The following PTPRU variants were observed in gnomAD, a reference collection of about 807,000 sequenced individuals.
The protein encoded by PTPRU is protein tyrosine phosphatase receptor type U, also known as receptor-type tyrosine-protein phosphatase U.
In PTPRU, 69 loss-of-function variants were observed where a neutral mutation model predicts 166.3. That is an observed-to-expected ratio of 0.41 (90% CI 0.34 to 0.51). PTPRU has a LOEUF of 0.51. Among genes scored for constraint, PTPRU ranks in the 20% least tolerant of loss-of-function variants. The pLI is 0.09. For missense variants in PTPRU, 1,657 were observed against 2,013.7 expected (o/e 0.82, Z 3.39); for synonymous variants, 793 against 814.0 (o/e 0.97, Z 0.44).
rs1324101362 is a variant in PTPRU, at chr1:29,315,113, G to A, written c.3228-259G>A. ...AATCTTAAGTTGCTAGGTTGAGCCAGTGTCACCTTTGCATTCTCCCCACCC... is the reference window on the plus strand; with the variant it reads ...AATCTTAAGTTGCTAGGTTGAGCCAATGTCACCTTTGCATTCTCCCCACCC... On this transcript the variant is annotated intron_variant, in intron 22 of 29. Coordinates refer to ENST00000373779, the MANE Select transcript of PTPRU (RefSeq NM_133178.4). The surrounding 1 kb of genome is among the most constrained non-coding windows in gnomAD (Gnocchi z 4.5). Among the ~76,000 whole-genome samples, 1 of 152,154 alleles carries A rather than the reference G, an allele frequency of 6.6e-6. No homozygotes were observed. Among genetic ancestry groups the A allele is most frequent in the South Asian group, 2.1e-4 (1 of 4,830 alleles).
At chr1:29,295,980 C>T (rs1024681942) in intron 15 of PTPRU, among the ~76,000 whole-genome samples, 14 of 152,172 alleles carry the variant, frequency 9.2e-5, no homozygotes, top group Admixed American at 2.0e-4. Context: ...CATGAGCCAC[C>T]GTGCCTAGCC....
intron 8 of PTPRU, among the ~76,000 whole-genome samples, chr1:29,276,372 G>T (rs1685805807): frequency 6.6e-6 from 1 of 152,202 alleles, no homozygotes; most frequent in Non-Finnish European, 1.5e-5. Flanking sequence ...TGGGAGTGCA[G>T]TGTCATGATT....
chr1:29,248,829 A>T (rs961818309), intron 1 of PTPRU, among the ~76,000 whole-genome samples: 6 of 152,000 alleles, frequency 3.9e-5, no homozygotes, highest in Admixed American at 1.3e-4. Context: ...TTGTAAATGC[A>T]CGTCTATACA....
chr1:29,280,269 T>G lies in PTPRU; in HGVS notation c.1868+128T>G. The stretch of plus-strand genomic sequence containing the variant: ...TCAGTCTCCCACGCAGGGCTTGGAG[T>G]GTCTGGAGGAGATTGTTCTGTGATG... On this transcript the variant is annotated intron_variant, in intron 11 of 29. Coordinates refer to ENST00000373779, the MANE Select transcript of PTPRU (RefSeq NM_133178.4). The surrounding 1 kb of genome is among the most constrained non-coding windows in gnomAD (Gnocchi z 4.2). The G allele has an allele frequency of 2.2e-6, 2 of 895,844 alleles. No homozygotes were observed. Among genetic ancestry groups the G allele is most frequent in the Non-Finnish European group, 1.7e-6 (1 of 595,646 alleles). The allele number at this position is 895,844 out of a possible 1,614,324, so 55.5% of individuals were successfully genotyped here.
rs768612052 is a variant in PTPRU at position 29,279,694 on chromosome 1, G to A, written c.1765+37G>A. The A allele has an allele frequency of 6.3e-7, 1 of 1,597,786 alleles. No homozygotes were observed. Among genetic ancestry groups the A allele is most frequent in the Non-Finnish European group, 8.5e-7 (1 of 1,172,338 alleles). ...CTGACCCGGCCCAGCCTCTTCGGAGGTGGCCCAGAATCCCAGGGTTCCATG... is the reference window on the plus strand; with the variant it reads ...CTGACCCGGCCCAGCCTCTTCGGAGATGGCCCAGAATCCCAGGGTTCCATG... On this transcript the variant is annotated intron_variant, in intron 10 of 29. Transcript: ENST00000373779. This position sits in a 1 kb window ranked among gnomAD's most constrained non-coding sequence, Gnocchi z 5.2.
chr1:29,324,289 G>A (rs757383041), intron 28 of PTPRU, among the ~76,000 whole-genome samples: 44 of 152,266 alleles, frequency 2.9e-4, no homozygotes, highest in Non-Finnish European at 5.9e-4. Context: ...TGAGCCTTTC[G>A]AGTGGCAGGC....
In PTPRU at chr1:29,326,169, T is replaced by G; in HGVS notation, c.*508T>G. On this transcript the variant is annotated 3_prime_UTR_variant, in exon 30 of 30. Transcript: ENST00000373779. ...AAGGTCCTGGGGAAGCAGGTCTCAA[T>G]TCTGAATAGCCAGTGGGGCACACTG... The G allele has an allele frequency of 6.3e-6, 2 of 315,354 alleles. No individual in the cohort carries two copies. Among genetic ancestry groups the G allele is most frequent in the Non-Finnish European group, 1.2e-5 (2 of 173,058 alleles). 19.5% of individuals were successfully genotyped at this position (315,354 alleles called of 1,614,324 possible).
intron 12 of PTPRU, 169 bp from the exon 13 acceptor site, chr1:29,283,771 C>A: frequency 1.4e-6 from 1 of 739,920 alleles, no homozygotes; most frequent in Non-Finnish European, 2.3e-6. Context: ...CCCTCTAGGC[C>A]CCGCTCTCAA....
intron 15 of PTPRU, among the ~76,000 whole-genome samples, chr1:29,294,263 ATTAG>A (rs1278794662): frequency 6.6e-6 from 1 of 152,188 alleles, no homozygotes; most frequent in Non-Finnish European, 1.5e-5. Context: ...CTTCTGCCAC[ATTAG>A]TTTGTATAAA....
rs2151944933 is a variant in PTPRU, at chr1:29,259,252, C to T, written c.478-9C>T. On this transcript the variant is annotated splice_polypyrimidine_tract_variant and intron_variant, in intron 3 of 29. Coordinates refer to ENST00000373779, the MANE Select transcript of PTPRU (RefSeq NM_133178.4). Reference sequence around the variant, plus strand: ...ATCAGTATGATAGGGGCCCTCCCGCCTCCCCCAGGTGCTGTTTGAGGCCCT... The same window carrying T: ...ATCAGTATGATAGGGGCCCTCCCGCTTCCCCCAGGTGCTGTTTGAGGCCCT... 1 of 1,610,678 alleles carries T rather than the reference C, an allele frequency of 6.2e-7. No individual in the cohort carries two copies. Among genetic ancestry groups the T allele is most frequent in the Middle Eastern group, 1.7e-4 (1 of 6,012 alleles).
chr1:29,292,416 G>A (rs527471474), intron 15 of PTPRU, among the ~76,000 whole-genome samples: 1 of 152,262 alleles, frequency 6.6e-6, no homozygotes, highest in South Asian at 2.1e-4. Flanking sequence ...TTTCTTAGCT[G>A]TGTGACCTGG....
rs1281777126 is a variant in PTPRU, at chr1:29,236,868, GGTGTTGC to G, written c.73+155_73+161del. On this transcript the variant is annotated intron_variant, in intron 1 of 29. Coordinates refer to ENST00000373779, the MANE Select transcript of PTPRU (RefSeq NM_133178.4). The surrounding 1 kb of genome is among the most constrained non-coding windows in gnomAD (Gnocchi z 4.6). ...GTAGGATGGGCGATTGTGTGCCCGG[GGTGTTGC>G]GTGACTGCGAATGTTGTGTGTCCGT... 3 of 744,436 alleles carry G rather than the reference GGTGTTGC, an allele frequency of 4.0e-6. No individual in the cohort carries two copies. The highest frequency in any genetic ancestry group is 5.6e-6 in the Non-Finnish European group (3 of 532,960). 46.1% of individuals were successfully genotyped at this position (744,436 alleles called of 1,614,324 possible).
At chr1:29,293,518 A>G (rs1330724482) in intron 15 of PTPRU, among the ~76,000 whole-genome samples, 1 of 140,278 alleles carries the variant, frequency 7.1e-6, no homozygotes, top group Non-Finnish European at 1.5e-5. Flanking sequence ...TCTGTCACCC[A>G]GGCTGGAGTG....
intron 1 of PTPRU, 47 bp from the exon 2 acceptor site, chr1:29,255,228 C>A (rs1271929854): frequency 3.8e-6 from 6 of 1,589,380 alleles, no homozygotes; most frequent in African/African-American, 1.3e-5. Context: ...GCCCTCCTGG[C>A]CAGCAGCCCT....
At chr1:29,295,823 A>T (rs908914361) in intron 15 of PTPRU, among the ~76,000 whole-genome samples, 2 of 151,992 alleles carry the variant, frequency 1.3e-5, no homozygotes, top group Admixed American at 6.6e-5. Flanking sequence ...AGTAGCTGGG[A>T]CTACAGACGT....
chr1:29,258,244 C>T (rs1032403930), intron 2 of PTPRU, among the ~76,000 whole-genome samples: 8 of 152,316 alleles, frequency 5.3e-5, no homozygotes, highest in South Asian at 2.1e-4. Context: ...GGATTATAGG[C>T]GTGAGCCACC....
rs146208154 is a variant in PTPRU at position 29,279,488 on chromosome 1, G to A, written c.1596G>A (p.Pro532=). 1.1e-3 allele frequency: 1,853 copies of A among 1,614,130 alleles called. 7 individuals carry two copies. The highest frequency in any genetic ancestry group is 1.4e-3 in the South Asian group (132 of 91,078). ...ISYQSIESSD[P]AVNVPGPRRT... ...ACCAGAGCATCGAGTCATCAGACCC[G>A]GCAGTGAACGTGCCAGGCCCACGAC... Residue 532 remains proline (P), a synonymous_variant, in exon 10 of 30, where the codon CCG becomes CCA. Transcript: ENST00000373779. The surrounding 1 kb of genome is among the most constrained non-coding windows in gnomAD (Gnocchi z 5.2).
At position 29,275,468 on chromosome 1, in the gene PTPRU, G is replaced by A; in HGVS notation, c.1165G>A (p.Gly389Ser). The change falls in exon 8 of 30, where the codon GGC becomes AGC. Residue 389 changes from glycine (G) to serine (S), a missense_variant. Gly to Ser is a moderately conservative substitution (Grantham distance 56). This residue lies in a region of PTPRU where 1,190 missense variants were observed against 1,477.4 expected (regional missense o/e 0.81). Transcript: ENST00000373779. Reference protein sequence around the residue: ...KCAEPMRAPKGLAFAEIQARQ... With the variant: ...KCAEPMRAPKSLAFAEIQARQ... ...TCCAGAGCCCATGAGGGCCCCCAAA[G>A]GCCTGGCTTTTGCTGAGATCCAGGC... 2 of 1,613,834 alleles carry A rather than the reference G, an allele frequency of 1.2e-6. No homozygotes were observed. The highest frequency in any genetic ancestry group is 1.7e-6 in the Non-Finnish European group (2 of 1,179,764).
intron 1 of PTPRU, 36 bp from the exon 2 acceptor site, chr1:29,255,239 G>T (rs754044359): frequency 1.2e-6 from 2 of 1,603,138 alleles, no homozygotes; most frequent in East Asian, 2.2e-5. Context: ...CAGCAGCCCT[G>T]CCTTAGCCTG....
Sources: allele counts gnomAD v4.1 joint callset (sites outside exome capture counted in the v4.1 genomes callset), GRCh38; gene constraint gnomAD v4.1.1; regional missense constraint gnomAD v4.1.1; non-coding constraint Gnocchi (gnomAD v3.1); transcripts MANE v1.5; gene names NCBI Gene and HGNC (gene_info 2026-07-23, HGNC 2026-07-21).